VSTM1: variants seen among roughly 807,000 people sequenced by gnomAD.
The protein encoded by VSTM1 is V-set and transmembrane domain containing 1, also known as V-set and transmembrane domain-containing protein 1.
In VSTM1, 27 loss-of-function variants were observed where a neutral mutation model predicts 33.1. The observed-to-expected ratio is 0.82, with a 90% confidence interval of 0.60 to 1.12. The LOEUF (loss-of-function observed/expected upper bound fraction) is 1.12, where lower values mean the gene tolerates loss of function less well. Ranked by LOEUF, VSTM1 falls within the 50% of genes most tolerant of loss-of-function variation. The pLI is 0.00. For synonymous variants in VSTM1, 115 were observed against 110.3 expected (o/e 1.04, Z -0.27); for missense variants, 304 against 288.9 (o/e 1.05, Z -0.38).
intron 1 of VSTM1, among the ~76,000 whole-genome samples, chr19:54,060,611 A>T (rs2071346300): frequency 6.6e-6 from 1 of 151,526 alleles, no homozygotes; most frequent in Non-Finnish European, 1.5e-5. Flanking sequence ...CTGTTTTGAG[A>T]CCCTCCCCAA....
intron 4 of VSTM1, among the ~76,000 whole-genome samples, chr19:54,049,730 A>G (rs1476438210): frequency 6.6e-6 from 1 of 152,138 alleles, no homozygotes; most frequent in African/African-American, 2.4e-5. Context: ...GCCTACTATC[A>G]TGGAATAAAA....
chr19:54,059,992 C>T (rs529034659), intron 1 of VSTM1, among the ~76,000 whole-genome samples: 7,539 of 150,004 alleles, frequency 0.05, 240 homozygotes, highest in Admixed American at 0.091. Context: ...GGACTACAGG[C>T]ACCCGCCACC....
rs35453319 is a variant in VSTM1, at chr19:54,051,434, G to A, written c.370C>T (p.Leu124Phe). ...QLVVTDKHDELEAPSMKTDTR... is the reference protein window; with the variant it reads ...QLVVTDKHDEFEAPSMKTDTR... ...CCTGTTTTCATTGAGGGAGCTTCAA[G>A]TTCATCGTGTTTATCTAGAAAATAG... Residue 124 changes from leucine (L) to phenylalanine (F), a missense_variant, in exon 4 of 9, where the codon CTT becomes TTT. By Grantham distance (22) the Leu-to-Phe change is conservative. Coordinates refer to ENST00000338372, the MANE Select transcript of VSTM1 (RefSeq NM_198481.4). The A allele has an allele frequency of 1.3e-5, 21 of 1,594,008 alleles. No individual in the cohort carries two copies. In the African/African-American group the frequency reaches 2.9e-4, roughly 22 times the overall value.
At chr19:54,045,913 A>C (rs1382637727) in intron 4 of VSTM1, among the ~76,000 whole-genome samples, 1 of 151,908 alleles carries the variant, frequency 6.6e-6, no homozygotes, top group Non-Finnish European at 1.5e-5. Flanking sequence ...CATCTATCTT[A>C]TCTATTATAT....
intron 1 of VSTM1, among the ~76,000 whole-genome samples, chr19:54,061,121 G>A (rs539575517): frequency 2.7e-5 from 4 of 149,868 alleles, no homozygotes; most frequent in South Asian, 2.1e-4. Flanking sequence ...AGGTTCAAGC[G>A]ATTTTCCTGC....
rs1371141503 is a variant in VSTM1 at position 54,040,865 on chromosome 19, C to T, written c.*96G>A. 9 of 1,478,850 alleles carry T rather than the reference C, an allele frequency of 6.1e-6. No homozygotes were observed. Among genetic ancestry groups the T allele is most frequent in the East Asian group, 5.0e-5 (2 of 40,248 alleles). 91.6% of individuals were successfully genotyped at this position (1,478,850 alleles called of 1,614,324 possible). A position where few individuals can be genotyped will look rare whatever the true frequency, so the allele number is the denominator to read the frequency against. The stretch of plus-strand genomic sequence containing the variant: ...AGAAACTTAATTTTATTGATATGGA[C>T]GAAGAGCAAGGAAACACAGTATCTG... On this transcript the variant is annotated 3_prime_UTR_variant, in exon 9 of 9. Transcript: ENST00000338372.
intron 4 of VSTM1, among the ~76,000 whole-genome samples, chr19:54,049,608 C>A (rs1190775874): frequency 3.3e-5 from 5 of 152,162 alleles, no homozygotes; most frequent in African/African-American, 1.2e-4. Context: ...GATCTCCCAC[C>A]TCGTTTCTGA....
intron 3 of VSTM1, among the ~76,000 whole-genome samples, chr19:54,055,234 A>G (rs2071035202): frequency 7.1e-6 from 1 of 140,516 alleles, no homozygotes; most frequent in Non-Finnish European, 1.6e-5. Flanking sequence ...CATCCCTCAT[A>G]GAGCACTGGA....
intron 1 of VSTM1, among the ~76,000 whole-genome samples, chr19:54,061,261 G>A (rs1429804541): frequency 1.3e-5 from 2 of 151,920 alleles, no homozygotes; most frequent in African/African-American, 2.4e-5. Context: ...CAAGAGATCT[G>A]CCCGCCTGGG....
intron 1 of VSTM1, among the ~76,000 whole-genome samples, chr19:54,059,430 A>G (rs1298240838): frequency 6.6e-6 from 1 of 151,930 alleles, no homozygotes; most frequent in Non-Finnish European, 1.5e-5. Context: ...ATTGTTCAAC[A>G]TTCACCTATG....
chr19:54,063,685 C>T, intron 1 of VSTM1, 59 bp downstream of exon 1: 2 of 1,602,652 alleles, frequency 1.2e-6, no homozygotes, highest in Non-Finnish European at 1.7e-6. Context: ...TGGACTGCCA[C>T]TCCCACATGA....
intron 1 of VSTM1, among the ~76,000 whole-genome samples, chr19:54,059,158 T>A (rs1311457749): frequency 6.7e-6 from 1 of 150,054 alleles, no homozygotes; most frequent in Non-Finnish European, 1.5e-5. Flanking sequence ...CCTCCCAGGT[T>A]CAAGCAATTT....
intron 4 of VSTM1, among the ~76,000 whole-genome samples, chr19:54,044,515 G>A (rs116936706): frequency 0.052 from 7,860 of 152,156 alleles, 284 homozygotes; most frequent in Admixed American, 0.099. Context: ...AGCCGAGATC[G>A]CATCACTGCA....
chr19:54,049,743 G>A (rs1264067147), intron 4 of VSTM1, among the ~76,000 whole-genome samples: 1 of 152,026 alleles, frequency 6.6e-6, no homozygotes, highest in Non-Finnish European at 1.5e-5. Flanking sequence ...GAATAAAAAC[G>A]TTTCAAATAG....
At chr19:54,057,601 G>T (rs2071164120) in intron 3 of VSTM1, among the ~76,000 whole-genome samples, 1 of 151,634 alleles carries the variant, frequency 6.6e-6, no homozygotes, top group Non-Finnish European at 1.5e-5. Flanking sequence ...CTTGAGGTCA[G>T]CAGTTCGAGA....
chr19:54,051,440 C>T lies in VSTM1; in HGVS notation c.364G>A (p.Asp122Asn), dbSNP rs147285202. Residue 122 changes from aspartate to asparagine, a missense_variant, in exon 4 of 9, where the codon GAT (aspartate) becomes AAT (asparagine). By Grantham distance (23) the Asp-to-Asn change is conservative. Coordinates refer to ENST00000338372, the MANE Select transcript of VSTM1 (RefSeq NM_198481.4). ...HLQLVVTDKHDELEAPSMKTD... is the reference protein window; with the variant it reads ...HLQLVVTDKHNELEAPSMKTD... ...TTCATTGAGGGAGCTTCAAGTTCAT[C>T]GTGTTTATCTAGAAAATAGGAGGGA... 3.0e-4 allele frequency: 484 copies of T among 1,594,040 alleles called. 1 individual carries two copies. The highest frequency in any genetic ancestry group is 4.0e-4 in the Non-Finnish European group (464 of 1,174,326).
intron 4 of VSTM1, among the ~76,000 whole-genome samples, chr19:54,042,814 A>ATATG (rs1555752371): frequency 4.6e-5 from 2 of 43,488 alleles, no homozygotes; most frequent in African/African-American, 7.2e-5. Context: ...GTGTATATAT[A>ATATG]TATATATATA....
chr19:54,060,099 G>T (rs1009778723), intron 1 of VSTM1, among the ~76,000 whole-genome samples: 3 of 151,764 alleles, frequency 2.0e-5, no homozygotes, highest in South Asian at 2.1e-4. Context: ...TGATCCACCC[G>T]CCTCGGACTC....
intron 4 of VSTM1, chr19:54,048,383 TG>T: frequency 7.6e-6 from 3 of 396,480 alleles, no homozygotes; most frequent in Admixed American, 2.8e-5. Context: ...CCCAAAGTCC[TG>T]GTATTACAGA....
Sources: allele counts gnomAD v4.1 joint callset (sites outside exome capture counted in the v4.1 genomes callset), GRCh38; gene constraint gnomAD v4.1.1; transcripts MANE v1.5; gene names NCBI Gene and HGNC (gene_info 2026-07-23, HGNC 2026-07-21).